GPM6A: variants seen among roughly 807,000 people sequenced by gnomAD.
GPM6A encodes the protein glycoprotein M6A.
A neutral mutation model predicts 32.1 loss-of-function variants in GPM6A; 7 were observed. The observed-to-expected ratio is 0.22, with a 90% CI of 0.12 to 0.41. The LOEUF (loss-of-function observed/expected upper bound fraction) is 0.41, where lower values mean the gene tolerates loss of function less well. Ranked by LOEUF, GPM6A falls within the 10% of genes least tolerant of loss-of-function variation. The pLI is 1.00. For synonymous variants in GPM6A, 130 were observed against 123.4 expected, an observed-to-expected ratio of 1.05 and a Z score of -0.35; for missense variants, 235 against 347.2, an observed-to-expected ratio of 0.68 and a Z score of 2.57.
At chr4:175,864,104 C>T (rs1275974124) in intron 1 of GPM6A, among the ~76,000 whole-genome samples, 1 of 152,164 alleles carries the variant, frequency 6.6e-6, no homozygotes, top group Non-Finnish European at 1.5e-5. Context: ...CAGAGATACT[C>T]ATTGTGGTTT....
chr4:175,877,782 A>C (rs905828653), intron 1 of GPM6A, among the ~76,000 whole-genome samples: 1 of 152,160 alleles, frequency 6.6e-6, no homozygotes, highest in African/African-American at 2.4e-5. Flanking sequence ...AAACACAACC[A>C]TGCCCTTCCA....
chr4:175,818,482 T>A (rs1360321992), intron 1 of GPM6A, among the ~76,000 whole-genome samples: 4 of 152,274 alleles, frequency 2.6e-5, no homozygotes, highest in Non-Finnish European at 5.9e-5. Flanking sequence ...TATATATATG[T>A]ATCTTCCCCC....
intron 1 of GPM6A, among the ~76,000 whole-genome samples, chr4:175,871,936 T>G (rs1219083634): frequency 1.3e-5 from 2 of 152,190 alleles, no homozygotes; most frequent in Non-Finnish European, 2.9e-5. Context: ...TAACACATTA[T>G]TTTTATCTCT....
At chr4:175,778,968 G>A (rs1406487494) in intron 1 of GPM6A, among the ~76,000 whole-genome samples, 1 of 151,396 alleles carries the variant, frequency 6.6e-6, no homozygotes, top group Non-Finnish European at 1.5e-5. Context: ...TATACAGTTG[G>A]AATAAAATTT....
intron 1 of GPM6A, among the ~76,000 whole-genome samples, chr4:175,750,996 G>A (rs1282035625): frequency 2.0e-5 from 3 of 152,084 alleles, no homozygotes; most frequent in African/African-American, 7.2e-5. Flanking sequence ...TATATGTGTT[G>A]CCTTCTCAGT....
intron 1 of GPM6A, among the ~76,000 whole-genome samples, chr4:175,952,746 A>G (rs1184877120): frequency 6.6e-6 from 1 of 152,158 alleles, no homozygotes; most frequent in Non-Finnish European, 1.5e-5. Flanking sequence ...TACAATGCCC[A>G]AAGAAAGCAG....
chr4:175,793,942 A>G (rs756684689), intron 1 of GPM6A, among the ~76,000 whole-genome samples: 9 of 152,160 alleles, frequency 5.9e-5, no homozygotes, highest in South Asian at 2.1e-4. Flanking sequence ...TTTGACTTTT[A>G]GTCTTTGCTC....
rs986617069 is a variant in GPM6A at position 175,633,382 on chromosome 4, C to A, written c.*1523G>T. On this transcript the variant is annotated 3_prime_UTR_variant, in exon 7 of 7. Coordinates refer to ENST00000393658, the MANE Select transcript of GPM6A (RefSeq NM_201591.3). Reference sequence around the variant, plus strand: ...ATGCCACAGATATCCCTAGTAGTACCCCCTACCTACTACAAGAACTTGTAA... The same window carrying A: ...ATGCCACAGATATCCCTAGTAGTACACCCTACCTACTACAAGAACTTGTAA... The A allele has an allele frequency of 6.6e-6, 1 of 152,286 alleles. No individual in the cohort carries two copies. Among genetic ancestry groups the A allele is most frequent in the Non-Finnish European group, 1.5e-5 (1 of 67,886 alleles). 9.4% of individuals were successfully genotyped at this position (152,286 alleles called of 1,614,324 possible).
intron 1 of GPM6A, among the ~76,000 whole-genome samples, chr4:175,750,091 C>T (rs990669927): frequency 1.3e-5 from 2 of 151,974 alleles, no homozygotes; most frequent in African/African-American, 4.8e-5. Flanking sequence ...TGGAGTCTCA[C>T]TTTGTTGCCT....
chr4:175,838,179 T>G (rs1428253053), intron 1 of GPM6A, among the ~76,000 whole-genome samples: 1 of 150,826 alleles, frequency 6.6e-6, no homozygotes, highest in Admixed American at 6.6e-5. Context: ...CAGTTCTGCT[T>G]GAGTTTTCCA....
intron 1 of GPM6A, among the ~76,000 whole-genome samples, chr4:175,946,631 A>G (rs1440795236): frequency 6.6e-6 from 1 of 152,144 alleles, no homozygotes. Flanking sequence ...GAGCATGTCA[A>G]GAACAGGGAA....
At chr4:175,885,074 C>A (rs115222988) in intron 1 of GPM6A, among the ~76,000 whole-genome samples, 1 of 152,098 alleles carries the variant, frequency 6.6e-6, no homozygotes, top group South Asian at 2.1e-4. Context: ...TATGTATGTG[C>A]ATCAAAAGTG....
chr4:175,717,128 G>A (rs1276526850), intron 1 of GPM6A, among the ~76,000 whole-genome samples: 4 of 151,276 alleles, frequency 2.6e-5, no homozygotes, highest in East Asian at 2.0e-4. Flanking sequence ...TTCCCACTGC[G>A]GCCCACTTGG....
intron 1 of GPM6A, among the ~76,000 whole-genome samples, chr4:175,911,271 T>TC (rs1470064875): frequency 6.6e-6 from 1 of 152,142 alleles, no homozygotes; most frequent in Non-Finnish European, 1.5e-5. Flanking sequence ...GTGACGAGAA[T>TC]GAGACTCATA....
Position 175,885,434 on chromosome 4 carries a change from A to G in GPM6A, c.-22-73185T>C, listed in dbSNP as rs551279547. ...CTCTTGAGCCCAGGAATTGGAGACCAACTTGGATAACATAGTGAGACCCCA... is the reference window on the plus strand; with the variant it reads ...CTCTTGAGCCCAGGAATTGGAGACCGACTTGGATAACATAGTGAGACCCCA... On this transcript the variant is annotated intron_variant, in intron 1 of 7. Coordinates refer to the GPM6A transcript ENST00000280187. Among the ~76,000 whole-genome samples the G allele has an allele frequency of 1.3e-5, 2 of 152,338 alleles. 1 individual carries two copies. Among genetic ancestry groups the G allele is most frequent in the South Asian group, 4.1e-4 (2 of 4,826 alleles).
At chr4:175,735,612 T>A (rs898846459) in intron 1 of GPM6A, among the ~76,000 whole-genome samples, 1 of 151,476 alleles carries the variant, frequency 6.6e-6, no homozygotes, top group East Asian at 1.9e-4. Flanking sequence ...CAGGCTGGAG[T>A]GCAGTGGTGT....
intron 1 of GPM6A, among the ~76,000 whole-genome samples, chr4:175,830,468 C>T (rs1489858491): frequency 6.6e-6 from 1 of 152,152 alleles, no homozygotes; most frequent in Non-Finnish European, 1.5e-5. Flanking sequence ...GCACCGGACA[C>T]TGTTCTTCAC....
chr4:175,815,718 CTTT>C (rs60711329), upstream of GPM6A, among the ~76,000 whole-genome samples: 9 of 127,114 alleles, frequency 7.1e-5, no homozygotes, highest in Non-Finnish European at 1.1e-4. Context: ...TTTTTCTTTT[CTTT>C]TTTTTTTTTT....
chr4:175,681,765 A>G (rs886127524), intron 2 of GPM6A, among the ~76,000 whole-genome samples: 3 of 152,146 alleles, frequency 2.0e-5, no homozygotes, highest in Non-Finnish European at 4.4e-5. Context: ...TGCCAGCACC[A>G]TGCTTCCTGT....
Sources: allele counts gnomAD v4.1 joint callset (sites outside exome capture counted in the v4.1 genomes callset), GRCh38; gene constraint gnomAD v4.1.1; transcripts MANE v1.5; gene names NCBI Gene and HGNC (gene_info 2026-07-23, HGNC 2026-07-21).